FOXP2: variants seen among roughly 807,000 people sequenced by gnomAD.
FOXP2 encodes forkhead box protein P2.
A neutral mutation model predicts 115.8 loss-of-function variants in FOXP2; 12 were observed. The ratio of observed to expected loss-of-function variants is 0.10; its 90% CI spans 0.07 to 0.17. FOXP2 has a LOEUF of 0.17. FOXP2 is among the 10% of genes least tolerant of loss of function. FOXP2 has a pLI of 1.00. For synonymous variants in FOXP2, 328 were observed against 297.7 expected, an observed-to-expected ratio of 1.10 and a Z score of -1.05; for missense variants, 629 against 843.5, an observed-to-expected ratio of 0.75 and a Z score of 3.15.
At chr7:114,250,623 A>T (rs111829062) in intron 1 of FOXP2, among the ~76,000 whole-genome samples, 1 of 151,762 alleles carries the variant, frequency 6.6e-6, no homozygotes, top group African/African-American at 2.4e-5. Flanking sequence ...CATAAATAAC[A>T]TTTGCCCACT....
rs1464035853 is a variant in FOXP2 at position 114,690,941 on chromosome 7, A to G, written c.*1015A>G. ...ATATGACAAAAACCACAACTAAAAA[A>G]TGTTAATTCAGTCACAGAGTAATCT... On this transcript the variant is annotated 3_prime_UTR_variant, in exon 17 of 17. Coordinates refer to ENST00000350908, the MANE Select transcript of FOXP2 (RefSeq NM_014491.4). 1 of 454,518 alleles carries G rather than the reference A, an allele frequency of 2.2e-6. No individual in the cohort carries two copies. Among genetic ancestry groups the G allele is most frequent in the South Asian group, 1.6e-5 (1 of 64,478 alleles). The allele number at this position is 454,518 out of a possible 1,614,324, so 28.2% of individuals were successfully genotyped here.
intron 3 of FOXP2, chr7:114,570,812 G>C: frequency 6.2e-7 from 1 of 1,611,314 alleles, no homozygotes; most frequent in Non-Finnish European, 8.5e-7. Flanking sequence ...CCTAGGAATT[G>C]CTTCCAGAAA....
chr7:114,562,395 A>C (rs1334875055), intron 3 of FOXP2, among the ~76,000 whole-genome samples: 1 of 152,074 alleles, frequency 6.6e-6, no homozygotes, highest in Non-Finnish European at 1.5e-5. Flanking sequence ...TAAAGCACTT[A>C]AGTCACACCT....
At chr7:114,489,662 C>T (rs2129242837) in intron 2 of FOXP2, among the ~76,000 whole-genome samples, 1 of 151,854 alleles carries the variant, frequency 6.6e-6, no homozygotes, top group South Asian at 2.1e-4. Context: ...TACCACAAGC[C>T]CAGAAGAATA....
chr7:114,383,999 G>A (rs545864039), intron 2 of FOXP2, among the ~76,000 whole-genome samples: 1 of 151,996 alleles, frequency 6.6e-6, no homozygotes, highest in Non-Finnish European at 1.5e-5. Flanking sequence ...AAGGGGTCCG[G>A]GCTGCTGGAT....
At chr7:114,242,582 A>G (rs1795183138) in intron 1 of FOXP2, among the ~76,000 whole-genome samples, 1 of 152,208 alleles carries the variant, frequency 6.6e-6, no homozygotes, top group Non-Finnish European at 1.5e-5. Context: ...GAATGTCAAT[A>G]TCTTTCTGAC....
intron 2 of FOXP2, among the ~76,000 whole-genome samples, chr7:114,454,949 G>A (rs1795238344): frequency 6.9e-6 from 1 of 145,488 alleles, no homozygotes; most frequent in South Asian, 2.3e-4. Flanking sequence ...CAGCGCACCA[G>A]CATGGCACAT....
chr7:114,609,370 T>C (rs1803509387), intron 3 of FOXP2, among the ~76,000 whole-genome samples: 2 of 152,278 alleles, frequency 1.3e-5, no homozygotes, highest in South Asian at 4.1e-4. Context: ...GCTTAATATA[T>C]TTGTGAAAAC....
intron 2 of FOXP2, among the ~76,000 whole-genome samples, chr7:114,480,747 A>G (rs1375667679): frequency 1.3e-5 from 2 of 150,570 alleles, no homozygotes; most frequent in East Asian, 1.9e-4. Flanking sequence ...ATGTGTATGT[A>G]TGTATACGTA....
In FOXP2 at chr7:114,489,649, A is replaced by T. The variant is rs1313174928; in HGVS notation, c.169-44968A>T. The stretch of plus-strand genomic sequence containing the variant: ...GCACACATACCTTGTTGCCCGTTTT[A>T]CCTACCACAAGCCCAGAAGAATACA... On this transcript the variant is annotated intron_variant, in intron 2 of 16. Coordinates refer to ENST00000350908, the MANE Select transcript of FOXP2 (RefSeq NM_014491.4). Among the ~76,000 whole-genome samples, 3 of 151,988 alleles carry T rather than the reference A, an allele frequency of 2.0e-5. No individual in the cohort carries two copies. In the East Asian group the frequency reaches 5.8e-4, roughly 29 times the overall value.
intron 1 of FOXP2, among the ~76,000 whole-genome samples, chr7:114,227,411 T>C (rs992449666): frequency 1.3e-5 from 2 of 152,082 alleles, no homozygotes; most frequent in Admixed American, 1.3e-4. Flanking sequence ...GATTTGTCTC[T>C]CTTCTAGTCC....
At chr7:114,297,261 G>T in intron 2 of FOXP2, 1 of 484,078 alleles carries the variant, frequency 2.1e-6, no homozygotes, top group Non-Finnish European at 4.0e-6. Flanking sequence ...ACTCCATGGC[G>T]CGCAGCTCCT....
chr7:114,313,270 C>T (rs1351839232), intron 2 of FOXP2, among the ~76,000 whole-genome samples: 1 of 152,162 alleles, frequency 6.6e-6, no homozygotes, highest in Non-Finnish European at 1.5e-5. Flanking sequence ...AATTATTTGG[C>T]TCAGTGGTAA....
chr7:114,586,368 G>A (rs1802128996), intron 3 of FOXP2, among the ~76,000 whole-genome samples: 2 of 152,040 alleles, frequency 1.3e-5, no homozygotes, highest in South Asian at 4.1e-4. Context: ...ATGTAGGAAG[G>A]ATAAAATATT....
At chr7:114,463,119 C>T in intron 2 of FOXP2, 1 of 415,606 alleles carries the variant, frequency 2.4e-6, no homozygotes, top group South Asian at 1.7e-5. Flanking sequence ...ACCTGGAACT[C>T]CTGGGCTCAA....
intron 3 of FOXP2, among the ~76,000 whole-genome samples, chr7:114,567,623 T>G (rs1272672959): frequency 6.6e-6 from 1 of 152,138 alleles, no homozygotes; most frequent in Non-Finnish European, 1.5e-5. Context: ...TGCAAACACT[T>G]AAAATATCCA....
intron 2 of FOXP2, among the ~76,000 whole-genome samples, chr7:114,501,007 A>C (rs1797544720): frequency 6.6e-6 from 1 of 152,146 alleles, no homozygotes; most frequent in African/African-American, 2.4e-5. Flanking sequence ...TTACAGTGAT[A>C]AATTTTTCTT....
chr7:114,635,669 T>C (rs964278409), intron 6 of FOXP2, among the ~76,000 whole-genome samples: 1 of 152,192 alleles, frequency 6.6e-6, no homozygotes, highest in African/African-American at 2.4e-5. Context: ...TCTATAATTC[T>C]TGTAGAATTA....
Position 114,652,477 on chromosome 7 carries a change from A to C in FOXP2, c.1182+187A>C, listed in dbSNP as rs146942850. On this transcript the variant is annotated intron_variant, in intron 9 of 16. Transcript: ENST00000350908. ...TTGATAACCCAGGAAGGATTGCTGTAGTTTAATGTACTTATCACTTATATT... is the reference window on the plus strand; with the variant it reads ...TTGATAACCCAGGAAGGATTGCTGTCGTTTAATGTACTTATCACTTATATT... Among the ~76,000 whole-genome samples, 68 of 152,240 alleles carry C rather than the reference A, an allele frequency of 4.5e-4. 2 individuals are homozygous for C. The East Asian group carries it at 0.013, about 28-fold the overall frequency.
Sources: gnomAD v4.1 joint callset for allele counts (sites outside exome capture counted in the v4.1 genomes callset) on GRCh38, gnomAD v4.1.1 for gene constraint, MANE v1.5 for transcripts, NCBI Gene and HGNC (gene_info 2026-07-23, HGNC 2026-07-21) for gene names.